Variants in ABCC9 observed in about 807,000 individuals in gnomAD.
ABCC9 encodes the protein ATP binding cassette subfamily C member 9.
Under a neutral mutation model 188.3 loss-of-function variants are expected in ABCC9, and 95 were observed. That is an observed-to-expected ratio of 0.50 (90% CI 0.43 to 0.60). ABCC9 has a LOEUF of 0.60. Ranked by LOEUF, ABCC9 falls within the 20% of genes least tolerant of loss-of-function variation. The probability of loss-of-function intolerance (pLI) is 0.00; values close to 1 mark genes in which losing one functional copy is unlikely to be tolerated. For synonymous variants in ABCC9, 659 were observed against 652.7 expected, an observed-to-expected ratio of 1.01 and a Z score of -0.15; for missense variants, 1,102 against 1,876.3, an observed-to-expected ratio of 0.59 and a Z score of 7.62.
chr12:21,886,011 A>G (rs1252127955), intron 15 of ABCC9, among the ~76,000 whole-genome samples: 1 of 152,164 alleles, frequency 6.6e-6, no homozygotes, highest in Non-Finnish European at 1.5e-5. Flanking sequence ...AATAGTAACA[A>G]TTATAACTAA....
intron 11 of ABCC9, 67 bp from the exon 12 acceptor site, chr12:21,906,355 A>G: frequency 6.6e-7 from 1 of 1,504,926 alleles, no homozygotes; most frequent in Non-Finnish European, 9.0e-7. Context: ...AGAACCATGT[A>G]ATGGACAGGG....
chr12:21,870,616 GT>G (rs1286877869), intron 18 of ABCC9, among the ~76,000 whole-genome samples: 1 of 152,030 alleles, frequency 6.6e-6, no homozygotes, highest in Non-Finnish European at 1.5e-5. Flanking sequence ...AAATGTTTCT[GT>G]TTTTTTCCTC....
chr12:21,832,248 G>T (rs889270929), intron 30 of ABCC9, among the ~76,000 whole-genome samples: 4 of 152,144 alleles, frequency 2.6e-5, no homozygotes, highest in African/African-American at 9.7e-5. Context: ...CTACTTGAGG[G>T]AGTTCATTGC....
chr12:21,928,279 AAAGGAAGGAAGG>A (rs1165315307), intron 4 of ABCC9, among the ~76,000 whole-genome samples: 1 of 90,048 alleles, frequency 1.1e-5, no homozygotes, highest in Admixed American at 1.4e-4. Context: ...TGGAAGGGGG[AAAGGAAGGAAGG>A]AAGGAAGGAA....
At chr12:21,923,762 C>T in intron 5 of ABCC9, 1 of 678,500 alleles carries the variant, frequency 1.5e-6, no homozygotes, top group Non-Finnish European at 2.7e-6. Flanking sequence ...CCAGAGATTT[C>T]ACTCTTAGGT....
intron 31 of ABCC9, among the ~76,000 whole-genome samples, chr12:21,825,630 T>C (rs1314095869): frequency 2.7e-5 from 4 of 150,644 alleles, no homozygotes; most frequent in African/African-American, 9.8e-5. Context: ...ACATTATACA[T>C]TGGGATCTGT....
chr12:21,839,911 A>G (rs987919430), intron 29 of ABCC9, among the ~76,000 whole-genome samples: 1 of 152,224 alleles, frequency 6.6e-6, no homozygotes, highest in Non-Finnish European at 1.5e-5. Flanking sequence ...AAGTGGGAGA[A>G]GGAATATGAA....
intron 5 of ABCC9, among the ~76,000 whole-genome samples, chr12:21,922,218 T>A (rs991525479): frequency 6.6e-6 from 1 of 152,114 alleles, no homozygotes; most frequent in Non-Finnish European, 1.5e-5. Context: ...TCTTTCCATT[T>A]ATTTGTATCT....
At chr12:21,823,891 G>T (rs141879504) in intron 31 of ABCC9, among the ~76,000 whole-genome samples, 680 of 152,348 alleles carry the variant, frequency 4.5e-3, no homozygotes, top group African/African-American at 0.015. Flanking sequence ...GCCAGCCACA[G>T]TCTAGCCGCT....
At chr12:21,848,067 C>T (rs1327567529) in intron 25 of ABCC9, 83 bp downstream of exon 25, 2 of 1,223,418 alleles carry the variant, frequency 1.6e-6, no homozygotes, top group African/African-American at 1.5e-5. Context: ...GCTTATTATT[C>T]CTCATGGAGA....
At chr12:21,891,175 A>G (rs999510672) in intron 14 of ABCC9, among the ~76,000 whole-genome samples, 2 of 152,092 alleles carry the variant, frequency 1.3e-5, no homozygotes, top group Admixed American at 6.6e-5. Flanking sequence ...TTATCTTTGG[A>G]ATTCTTAATG....
At chr12:21,844,458 A>G (rs745665439) in intron 28 of ABCC9, 25 bp downstream of exon 28, 4 of 1,588,870 alleles carry the variant, frequency 2.5e-6, no homozygotes, top group Admixed American at 3.3e-5. Context: ...TAATTTTTGA[A>G]CTTGGAAGTA....
At chr12:21,816,036 GTTTTTTTTTTTTTTTTTTTTT>G (rs10611051) in intron 33 of ABCC9, 143 bp from the exon 34 acceptor site, 115 of 58,274 alleles carry the variant, frequency 2.0e-3, no homozygotes, top group African/African-American at 4.2e-3. Flanking sequence ...CTATGTGGCA[GTTTTTTTTTTTTTTTTTTTTT>G]TTTTTTTTTT....
At position 21,936,688 on chromosome 12, in the gene ABCC9, G is replaced by T; in HGVS notation, c.-14C>A. 1 of 1,600,622 alleles carries T rather than the reference G, an allele frequency of 6.2e-7. No individual in the cohort carries two copies. Among genetic ancestry groups the T allele is most frequent in the Non-Finnish European group, 8.6e-7 (1 of 1,168,404 alleles). On this transcript the variant is annotated 5_prime_UTR_variant, in exon 3 of 40. Transcript: ENST00000261200. ...TGAAAGGCTCATTTCTTCTTATATG[G>T]TTTACTCTAAAAGGGAGAGAAATGA...
intron 12 of ABCC9, among the ~76,000 whole-genome samples, chr12:21,896,079 C>CTTTTTTTTTTTTTTTTTTTTTTTTTTTTT (rs5796933): frequency 2.3e-5 from 3 of 128,044 alleles, no homozygotes; most frequent in African/African-American, 5.9e-5. Flanking sequence ...ATCTAATTTT[C>CTTTTTTTTTTTTTTTTTTTTTTTTTTTTT]TTTTTTTTTT....
intron 22 of ABCC9, among the ~76,000 whole-genome samples, chr12:21,857,045 T>A (rs1945262462): frequency 6.6e-6 from 1 of 152,142 alleles, no homozygotes; most frequent in South Asian, 2.1e-4. Flanking sequence ...ACAATGGAAA[T>A]GTGAGATATT....
At chr12:21,896,485 C>T (rs1314197466) in intron 12 of ABCC9, among the ~76,000 whole-genome samples, 3 of 152,144 alleles carry the variant, frequency 2.0e-5, no homozygotes, top group South Asian at 2.1e-4. Flanking sequence ...GCAGGATATG[C>T]GGGCTTGTTA....
At chr12:21,801,536 C>T (rs539169745) in intron 39 of ABCC9, among the ~76,000 whole-genome samples, 22 of 152,090 alleles carry the variant, frequency 1.4e-4, no homozygotes, top group Non-Finnish European at 2.5e-4. Flanking sequence ...ACTTTAATGT[C>T]AACAATAATT....
intron 12 of ABCC9, among the ~76,000 whole-genome samples, chr12:21,898,713 G>T (rs1461768521): frequency 1.3e-5 from 2 of 152,098 alleles, no homozygotes; most frequent in African/African-American, 4.8e-5. Context: ...ATATTAGTGG[G>T]AGTAGTTTTG....
Sources: gnomAD v4.1 joint callset for allele counts (sites outside exome capture counted in the v4.1 genomes callset) on GRCh38, gnomAD v4.1.1 for gene constraint, MANE v1.5 for transcripts, NCBI Gene and HGNC (gene_info 2026-07-23, HGNC 2026-07-21) for gene names.